The following PCDHA4 variants were observed in gnomAD, a reference collection of about 807,000 sequenced individuals.
The protein encoded by PCDHA4 is protocadherin alpha-4.
PCDHA4 carries 49 observed loss-of-function variants against 61.4 expected under a neutral mutation model. The observed-to-expected ratio is 0.80, with a 90% CI of 0.63 to 1.01. The LOEUF (loss-of-function observed/expected upper bound fraction) is 1.01. Among genes scored for constraint, PCDHA4 ranks in the 50% least tolerant of loss-of-function variants. The probability of loss-of-function intolerance (pLI) is 0.00; values close to 1 mark genes in which losing one functional copy is unlikely to be tolerated. For synonymous variants in PCDHA4, 590 were observed against 550.3 expected (o/e 1.07, Z -1.01); for missense variants, 1,254 against 1,235.8 (o/e 1.01, Z -0.22).
intron 1 of PCDHA4, among the ~76,000 whole-genome samples, chr5:140,839,422 C>T (rs1398340134): frequency 1.3e-5 from 2 of 151,902 alleles, no homozygotes; most frequent in Non-Finnish European, 2.9e-5. Flanking sequence ...CAGGGTCTCA[C>T]TCTGTAGCCC....
At chr5:140,957,252 A>C (rs557518275) in intron 1 of PCDHA4, among the ~76,000 whole-genome samples, 80 of 152,330 alleles carry the variant, frequency 5.3e-4, no homozygotes, top group African/African-American at 1.9e-3. Context: ...CCTAAAATTT[A>C]AATATGTAAG....
At chr5:140,869,419 C>T (rs782550413) in intron 1 of PCDHA4, 4 of 1,614,078 alleles carry the variant, frequency 2.5e-6, no homozygotes, top group Non-Finnish European at 3.4e-6. Context: ...CAGCATCCAC[C>T]TGGAGGTGAT....
chr5:140,967,943 G>T, intron 1 of PCDHA4: 1 of 1,614,190 alleles, frequency 6.2e-7, no homozygotes. Flanking sequence ...CAATGACCAA[G>T]ACTCAGGCCC....
intron 3 of PCDHA4, among the ~76,000 whole-genome samples, chr5:141,000,416 TA>T (rs1479552208): frequency 1.6e-3 from 150 of 93,344 alleles, no homozygotes; most frequent in Non-Finnish European, 2.1e-3. Flanking sequence ...TATATATATA[TA>T]TATATTTTTT....
rs532147064 is a variant in PCDHA4 at position 140,809,102 on chromosome 5, G to T, written c.1915G>T (p.Glu639Ter). 12 of 1,613,966 alleles carry T rather than the reference G, an allele frequency of 7.4e-6. No individual in the cohort carries two copies. The highest frequency in any genetic ancestry group is 1.3e-5 in the African/African-American group (1 of 75,046). The change falls in exon 1 of 4, where the codon GAA (glutamate) becomes TAA (stop). Residue 639 changes from glutamate (E) to a stop codon, truncating the protein, a stop_gained. Transcript: ENST00000530339. LOFTEE classifies it high-confidence loss of function. ...GATCAGCACAACGCGTGCCCTGGAC[G>T]AAACGGACGCTCCGCGCCACCGCCT... is the stretch of plus-strand genomic sequence containing the variant. ...GEISTTRALD[E>*]TDAPRHRLLV...
At chr5:140,834,245 T>C in intron 1 of PCDHA4, 2 of 872,198 alleles carry the variant, frequency 2.3e-6, no homozygotes, top group Non-Finnish European at 3.5e-6. Flanking sequence ...CTTTTCGCAC[T>C]GGAAAGACGC....
At chr5:140,828,426 G>A (rs2150155253) in intron 1 of PCDHA4, 5 of 1,614,288 alleles carry the variant, frequency 3.1e-6, no homozygotes, top group Non-Finnish European at 4.2e-6. Flanking sequence ...ATCGTGGACA[G>A]GCCGCTGCAG....
At position 141,010,636 on chromosome 5, in the gene PCDHA4, A is replaced by G; in HGVS notation, c.*699A>G. On this transcript the variant is annotated 3_prime_UTR_variant, in exon 4 of 4. Coordinates refer to ENST00000530339, the MANE Select transcript of PCDHA4 (RefSeq NM_018907.4). ...AAAATCTGCATCATACCTGCAAGCC[A>G]ACAGTTCAGTGTTTTAACAGAGAAC... is the stretch of plus-strand genomic sequence containing the variant. 1 of 183,300 alleles carries G rather than the reference A, an allele frequency of 5.5e-6. No individual in the cohort carries two copies. The highest frequency in any genetic ancestry group is 1.2e-5 in the Non-Finnish European group (1 of 86,478). 11.4% of individuals were successfully genotyped at this position (183,300 alleles called of 1,614,324 possible). A position where few individuals can be genotyped will look rare whatever the true frequency, so the allele number is the denominator to read the frequency against.
intron 1 of PCDHA4, chr5:140,876,963 G>A: frequency 6.2e-7 from 1 of 1,613,068 alleles, no homozygotes; most frequent in Middle Eastern, 1.8e-4. Flanking sequence ...TGGTGGAGCG[G>A]CGGGTGGGCG....
At chr5:140,875,277 G>T in intron 1 of PCDHA4, 1 of 1,315,080 alleles carries the variant, frequency 7.6e-7, no homozygotes, top group African/African-American at 1.5e-5. Context: ...CACTCAGAAG[G>T]TGAAACAGGA....
At chr5:140,852,582 A>ATT (rs2150518947) in intron 1 of PCDHA4, 15,949 of 691,778 alleles carry the variant, frequency 0.023, 320 homozygotes, top group Middle Eastern at 0.03. Context: ...AGGCTTTTTT[A>ATT]TTTTTTTTTT....
rs141394050 is a variant in PCDHA4 at position 140,948,629 on chromosome 5, T to C, written c.2386-30320T>C. 8.2e-3 allele frequency among the ~76,000 whole-genome samples: 1,244 copies of C among 151,828 alleles called. 11 individuals are homozygous for C. Among genetic ancestry groups the C allele is most frequent in the Non-Finnish European group, 0.013 (908 of 67,578 alleles). On this transcript the variant is annotated intron_variant, in intron 1 of 3. Transcript: ENST00000530339. ...TTTTGGCACAAAGTTGTTAATAATA[T>C]TCTCTCATCTTTTAACGTCTGTATA...
chr5:140,884,239 C>T, intron 1 of PCDHA4: 1 of 1,613,424 alleles, frequency 6.2e-7, no homozygotes, highest in Non-Finnish European at 8.5e-7. Context: ...ACGGTGAGCC[C>T]GCGCTGACGG....
At chr5:140,884,416 G>A (rs1035372416) in intron 1 of PCDHA4, 22 of 1,613,888 alleles carry the variant, frequency 1.4e-5, no homozygotes, top group Non-Finnish European at 1.7e-5. Context: ...TCACGTTGCT[G>A]CTGTATACTG....
At chr5:140,971,366 G>A (rs1554233245) in intron 1 of PCDHA4, among the ~76,000 whole-genome samples, 1 of 152,186 alleles carries the variant, frequency 6.6e-6, no homozygotes, top group Non-Finnish European at 1.5e-5. Flanking sequence ...TTTGCCAGGA[G>A]AGTGCATGAC....
At chr5:140,930,712 A>T (rs1584689351) in intron 1 of PCDHA4, among the ~76,000 whole-genome samples, 1 of 152,234 alleles carries the variant, frequency 6.6e-6, no homozygotes, top group Non-Finnish European at 1.5e-5. Flanking sequence ...ATTCTTCCTC[A>T]AGTAATGATG....
intron 1 of PCDHA4, among the ~76,000 whole-genome samples, chr5:140,890,883 G>T (rs1339331273): frequency 1.3e-5 from 2 of 152,064 alleles, no homozygotes; most frequent in Non-Finnish European, 2.9e-5. Flanking sequence ...CCTTTCATCA[G>T]GGATTATTGT....
At chr5:140,857,011 T>G in intron 1 of PCDHA4, 1 of 1,596,152 alleles carries the variant, frequency 6.3e-7, no homozygotes, top group Non-Finnish European at 8.6e-7. Flanking sequence ...ATGTAGATGT[T>G]ACAGATAAGG....
At chr5:140,816,223 T>C (rs1252026344) in intron 1 of PCDHA4, 8 of 152,244 alleles carry the variant, frequency 5.3e-5, no homozygotes, top group African/African-American at 1.9e-4. Context: ...CTACTCTGTC[T>C]GGATAATTTC....
Sources: gnomAD v4.1 joint callset for allele counts (sites outside exome capture counted in the v4.1 genomes callset) on GRCh38, gnomAD v4.1.1 for gene constraint, MANE v1.5 for transcripts, NCBI Gene and HGNC (gene_info 2026-07-23, HGNC 2026-07-21) for gene names.